ACBD6: variants seen among roughly 807,000 people sequenced by gnomAD.
The protein encoded by ACBD6 is acyl-CoA binding domain containing 6, also known as acyl-CoA-binding domain-containing protein 6.
Under a neutral mutation model 37.2 loss-of-function variants are expected in ACBD6, and 28 were observed. The ratio of observed to expected loss-of-function variants is 0.75; its 90% CI spans 0.56 to 1.03. The LOEUF (loss-of-function observed/expected upper bound fraction) is 1.03, where lower values mean the gene tolerates loss of function less well. Ranked by LOEUF, ACBD6 falls within the 50% of genes least tolerant of loss-of-function variation. ACBD6 has a pLI of 0.00. For synonymous variants in ACBD6, 113 were observed against 126.8 expected (o/e 0.89, Z 0.73); for missense variants, 340 against 337.4 (o/e 1.01, Z -0.06).
intron 9 of ACBD6, among the ~76,000 whole-genome samples, chr1:180,280,311 T>C (rs77183494): frequency 6.6e-6 from 1 of 152,172 alleles, no homozygotes; most frequent in African/African-American, 2.4e-5. Context: ...GTGTGTGGCA[T>C]TTCCCTCTCC....
At chr1:180,345,287 T>C (rs1379783399) in intron 6 of ACBD6, among the ~76,000 whole-genome samples, 2 of 152,166 alleles carry the variant, frequency 1.3e-5, no homozygotes, top group Admixed American at 6.5e-5. Context: ...AGGAAATAAT[T>C]ATTTTCATTC....
At chr1:180,374,073 A>G (rs1653350976) in intron 6 of ACBD6, among the ~76,000 whole-genome samples, 8 of 152,226 alleles carry the variant, frequency 5.3e-5, no homozygotes, top group Admixed American at 5.2e-4. Context: ...GCACATCCTT[A>G]GTGCAAAAAG....
At chr1:180,405,303 CA>C (rs1206549469) in intron 5 of ACBD6, among the ~76,000 whole-genome samples, 1 of 151,982 alleles carries the variant, frequency 6.6e-6, no homozygotes, top group African/African-American at 2.4e-5. Flanking sequence ...AGATTTAAAA[CA>C]AAGTAGAAAA....
chr1:180,371,658 ATGTT>A (rs1653271030), intron 6 of ACBD6, among the ~76,000 whole-genome samples: 1 of 152,164 alleles, frequency 6.6e-6, no homozygotes, highest in Non-Finnish European at 1.5e-5. Flanking sequence ...CTGGATAAAA[ATGTT>A]TGGTCATAAG....
In ACBD6 at chr1:180,349,068, T is replaced by G. The variant is rs527944064; in HGVS notation, c.664-34346A>C. Among the ~76,000 whole-genome samples, 61 of 152,142 alleles carry G rather than the reference T, an allele frequency of 4.0e-4. 1 individual carries two copies. In the South Asian group the frequency reaches 0.012, roughly 30 times the overall value. On this transcript the variant is annotated intron_variant, in intron 6 of 7. Transcript: ENST00000367595. Reference sequence around the variant, plus strand: ...GAGTTTTTTTTAACCCATTTTAGGATGTTGCGAGAGCAGTATCACTTGTTT... The same window carrying G: ...GAGTTTTTTTTAACCCATTTTAGGAGGTTGCGAGAGCAGTATCACTTGTTT...
At chr1:180,387,021 C>T (rs527858719) in intron 6 of ACBD6, among the ~76,000 whole-genome samples, 1 of 152,118 alleles carries the variant, frequency 6.6e-6, no homozygotes, top group Non-Finnish European at 1.5e-5. Flanking sequence ...TCTAGTTTAG[C>T]AGGCAGTTTC....
At chr1:180,485,857 T>C (rs1651242380) in intron 3 of ACBD6, among the ~76,000 whole-genome samples, 1 of 151,724 alleles carries the variant, frequency 6.6e-6, no homozygotes, top group African/African-American at 2.4e-5. Flanking sequence ...ATGCTTTTAA[T>C]GAATTATACC....
At chr1:180,435,921 T>G (rs1571508191) in intron 3 of ACBD6, 3 of 1,376,452 alleles carry the variant, frequency 2.2e-6, no homozygotes, top group East Asian at 2.3e-5. Flanking sequence ...AAGCTTGGTT[T>G]AGGCCTGGAA....
Position 180,493,427 on chromosome 1 carries a change from G to C in ACBD6, c.288-1062C>G, listed in dbSNP as rs146230879. ...GCTGCCAGGACAGGCCTTCTTCTTG[G>C]TTTTTCCCTGCCAATTCTTTCTAAA... On this transcript the variant is annotated intron_variant, in intron 2 of 7. Coordinates refer to ENST00000367595, the MANE Select transcript of ACBD6 (RefSeq NM_032360.4). Among the ~76,000 whole-genome samples, 1,073 of 152,004 alleles carry C rather than the reference G, an allele frequency of 7.1e-3. 8 individuals carry two copies. Among genetic ancestry groups the C allele is most frequent in the African/African-American group, 0.024 (1,002 of 41,442 alleles).
At chr1:180,452,730 A>T (rs1649762327) in intron 3 of ACBD6, among the ~76,000 whole-genome samples, 1 of 152,122 alleles carries the variant, frequency 6.6e-6, no homozygotes, top group Non-Finnish European at 1.5e-5. Context: ...GATAAAGGGG[A>T]TATCACCACT....
chr1:180,365,836 C>A (rs1213496513), intron 6 of ACBD6, among the ~76,000 whole-genome samples: 1 of 152,120 alleles, frequency 6.6e-6, no homozygotes, highest in African/African-American at 2.4e-5. Flanking sequence ...GGAAAAATTA[C>A]TTTTCTTTGA....
intron 6 of ACBD6, among the ~76,000 whole-genome samples, chr1:180,373,213 ATTT>A (rs1055201821): frequency 6.6e-6 from 1 of 152,086 alleles, no homozygotes; most frequent in Non-Finnish European, 1.5e-5. Context: ...TACCTCATTT[ATTT>A]TTTATTTCTT....
At chr1:180,372,551 A>C (rs1183868228) in intron 6 of ACBD6, among the ~76,000 whole-genome samples, 3 of 152,170 alleles carry the variant, frequency 2.0e-5, no homozygotes, top group Non-Finnish European at 4.4e-5. Context: ...GCAATTCTAT[A>C]CATTATTTTT....
chr1:180,352,933 TC>T (rs1324825299), intron 6 of ACBD6, among the ~76,000 whole-genome samples: 1 of 152,256 alleles, frequency 6.6e-6, no homozygotes, highest in African/African-American at 2.4e-5. Context: ...TCAAGCTCAT[TC>T]CTACTTCAGG....
At chr1:180,320,003 T>C (rs1263017566) in intron 6 of ACBD6, among the ~76,000 whole-genome samples, 1 of 152,188 alleles carries the variant, frequency 6.6e-6, no homozygotes, top group Non-Finnish European at 1.5e-5. Flanking sequence ...TGATTTCCTT[T>C]CTTTGGGGTA....
At chr1:180,381,766 T>C (rs547006672) in intron 6 of ACBD6, among the ~76,000 whole-genome samples, 3 of 151,868 alleles carry the variant, frequency 2.0e-5, no homozygotes, top group Admixed American at 6.6e-5. Context: ...ATCAAAAAAG[T>C]AGAAATATTT....
chr1:180,448,246 T>A (rs1369722438), intron 3 of ACBD6, among the ~76,000 whole-genome samples: 1 of 152,228 alleles, frequency 6.6e-6, no homozygotes, highest in Non-Finnish European at 1.5e-5. Context: ...TATTAATTAT[T>A]TTCACCAATA....
At chr1:180,436,059 A>C (rs1649023385) in intron 3 of ACBD6, 1 of 615,490 alleles carries the variant, frequency 1.6e-6, no homozygotes, top group South Asian at 2.0e-5. Context: ...AATATGTTAG[A>C]CCTCCAGGTT....
chr1:180,484,656 A>G (rs548836876), intron 3 of ACBD6, among the ~76,000 whole-genome samples: 35 of 152,288 alleles, frequency 2.3e-4, no homozygotes, highest in African/African-American at 3.8e-4. Flanking sequence ...TCAGAGTAAT[A>G]TAAGTATTAA....
Sources: allele counts gnomAD v4.1 joint callset (sites outside exome capture counted in the v4.1 genomes callset), GRCh38; gene constraint gnomAD v4.1.1; transcripts MANE v1.5; gene names NCBI Gene and HGNC (gene_info 2026-07-23, HGNC 2026-07-21).